Variants in TIPARP observed in about 807,000 individuals in gnomAD.
The protein encoded by TIPARP is protein mono-ADP-ribosyltransferase TIPARP.
In TIPARP, 12 loss-of-function variants were observed where a neutral mutation model predicts 56.5. The observed-to-expected ratio is 0.21, with a 90% CI of 0.14 to 0.34. The LOEUF (loss-of-function observed/expected upper bound fraction) is 0.34, where lower values mean the gene tolerates loss of function less well. Among genes scored for constraint, TIPARP ranks in the 10% least tolerant of loss-of-function variants. The pLI is 1.00. For synonymous variants in TIPARP, 296 were observed against 265.7 expected, an observed-to-expected ratio of 1.11 and a Z score of -1.11; for missense variants, 604 against 781.6, an observed-to-expected ratio of 0.77 and a Z score of 2.71.
chr3:156,682,104 A>G (rs1722322998), intron 2 of TIPARP, among the ~76,000 whole-genome samples: 1 of 152,192 alleles, frequency 6.6e-6, no homozygotes, highest in Non-Finnish European at 1.5e-5. Flanking sequence ...CAAGATCACC[A>G]CTAGTTTCAT....
At chr3:156,694,672 A>G (rs1465463825) in intron 3 of TIPARP, among the ~76,000 whole-genome samples, 3 of 152,186 alleles carry the variant, frequency 2.0e-5, no homozygotes, top group Non-Finnish European at 2.9e-5. Flanking sequence ...GTTATTTACA[A>G]TTTTCTCCTA....
At chr3:156,692,827 TGCTA>T (rs1476829868) in intron 2 of TIPARP, among the ~76,000 whole-genome samples, 2 of 152,182 alleles carry the variant, frequency 1.3e-5, no homozygotes, top group East Asian at 3.8e-4. Flanking sequence ...TTGGAAAATG[TGCTA>T]GCTAGCAAAA....
intron 2 of TIPARP, among the ~76,000 whole-genome samples, chr3:156,692,351 T>C (rs2108493381): frequency 6.6e-6 from 1 of 152,278 alleles, no homozygotes; most frequent in South Asian, 2.1e-4. Context: ...TTTTTGTTTT[T>C]TTGTTTTGTC....
In TIPARP at chr3:156,705,672, G is replaced by A. The variant is rs1199058932; in HGVS notation, c.*541G>A. ...TTATTTCTATCAGCAGTACTAAAAT[G>A]TATCAGCCAACCAGAGAACATCAGT... On this transcript the variant is annotated 3_prime_UTR_variant, in exon 6 of 6. Transcript: ENST00000295924. The A allele has an allele frequency of 6.5e-6, 1 of 152,714 alleles. No homozygotes were observed. Among genetic ancestry groups the A allele is most frequent in the Admixed American group, 6.5e-5 (1 of 15,298 alleles). 9.5% of individuals were successfully genotyped at this position (152,714 alleles called of 1,614,324 possible). A position where few individuals can be genotyped will look rare whatever the true frequency, so the allele number is the denominator to read the frequency against.
chr3:156,695,147 C>T (rs1341806827), intron 3 of TIPARP, among the ~76,000 whole-genome samples: 1 of 152,014 alleles, frequency 6.6e-6, no homozygotes, highest in East Asian at 1.9e-4. Flanking sequence ...TGTTTTTCCT[C>T]TGAGAAGTTT....
chr3:156,703,609 A>T lies in TIPARP; in HGVS notation c.1433A>T (p.Tyr478Phe). The T allele has an allele frequency of 6.2e-7, 1 of 1,614,256 alleles. No individual in the cohort carries two copies. The highest frequency in any genetic ancestry group is 8.5e-7 in the Non-Finnish European group (1 of 1,180,052). ...SAEDKSYRII[Y>F]NLFHKTVPEF... ...GAGGATAAAAGTTATCGGATCATTT[A>T]CAATCTTTTTCATAAGACTGTGCCT... Residue 478 changes from tyrosine to phenylalanine, a missense_variant, in exon 5 of 6, where the codon TAC (tyrosine) becomes TTC (phenylalanine). Around this residue, in one of 4 missense-constraint regions of TIPARP, gnomAD observed 252 missense variants for 303.9 expected, o/e 0.83. Transcript: ENST00000295924.
chr3:156,684,630 C>G (rs1009311385), intron 2 of TIPARP, among the ~76,000 whole-genome samples: 6 of 152,126 alleles, frequency 3.9e-5, no homozygotes, highest in African/African-American at 1.4e-4. Flanking sequence ...CAGGGTTTCT[C>G]TATGTTGGTC....
intron 4 of TIPARP, among the ~76,000 whole-genome samples, chr3:156,701,974 C>T (rs1722853721): frequency 7.5e-6 from 1 of 132,852 alleles, no homozygotes; most frequent in South Asian, 2.5e-4. Context: ...ATTGTTTTAG[C>T]TTCTTGAAAG....
At chr3:156,682,232 T>C (rs573039221) in intron 2 of TIPARP, among the ~76,000 whole-genome samples, 2 of 152,310 alleles carry the variant, frequency 1.3e-5, no homozygotes, top group African/African-American at 4.8e-5. Context: ...TGACCAATGA[T>C]TATTTCTAAT....
At chr3:156,703,726 C>G in intron 5 of TIPARP, 24 bp downstream of exon 5, 4 of 1,591,724 alleles carry the variant, frequency 2.5e-6, no homozygotes, top group Non-Finnish European at 3.4e-6. Flanking sequence ...ATGAAAAGTT[C>G]AAGACGGCCG....
chr3:156,690,467 G>T (rs1722541953), intron 2 of TIPARP, among the ~76,000 whole-genome samples: 1 of 152,124 alleles, frequency 6.6e-6, no homozygotes. Context: ...AATAAGAGGA[G>T]AACCATTGTT....
rs189162685 is a variant in TIPARP, at chr3:156,675,376, G to A, written c.-42+580G>A. On this transcript the variant is annotated intron_variant, in intron 1 of 5. Coordinates refer to ENST00000295924, the MANE Select transcript of TIPARP (RefSeq NM_015508.5). Reference sequence around the variant, plus strand: ...GTTCTGCGAGCCCCCAAGACCCGTTGGACGCTCCTCGGGAGGTGAGCTGAG... The same window carrying A: ...GTTCTGCGAGCCCCCAAGACCCGTTAGACGCTCCTCGGGAGGTGAGCTGAG... 4 of 152,450 alleles carry A rather than the reference G, an allele frequency of 2.6e-5. No homozygotes were observed. The East Asian group carries it at 7.7e-4, about 29-fold the overall frequency. 9.4% of individuals were successfully genotyped at this position (152,450 alleles called of 1,614,324 possible).
intron 2 of TIPARP, among the ~76,000 whole-genome samples, chr3:156,690,961 T>G (rs1239641249): frequency 6.6e-6 from 1 of 152,190 alleles, no homozygotes; most frequent in Non-Finnish European, 1.5e-5. Flanking sequence ...TGTAAATTCC[T>G]AACCTTATAT....
chr3:156,703,965 A>G (rs1025975942), intron 5 of TIPARP, among the ~76,000 whole-genome samples: 11 of 141,708 alleles, frequency 7.8e-5, no homozygotes, highest in African/African-American at 2.9e-4. Flanking sequence ...GTGAGCCGAG[A>G]TTGCGCCACT....
intron 4 of TIPARP, among the ~76,000 whole-genome samples, chr3:156,702,258 C>T (rs1722868426): frequency 6.6e-6 from 1 of 152,150 alleles, no homozygotes; most frequent in South Asian, 2.1e-4. Context: ...CAAATTCTGT[C>T]TTCGCTCTTT....
intron 2 of TIPARP, among the ~76,000 whole-genome samples, chr3:156,688,952 T>C (rs979715599): frequency 1.3e-5 from 2 of 152,134 alleles, no homozygotes; most frequent in African/African-American, 4.8e-5. Flanking sequence ...AATAATAAAA[T>C]AAAAGGACAC....
chr3:156,680,159 C>T (rs1299184273), intron 2 of TIPARP, among the ~76,000 whole-genome samples: 1 of 151,806 alleles, frequency 6.6e-6, no homozygotes, highest in Non-Finnish European at 1.5e-5. Flanking sequence ...CATAGAAGAC[C>T]CTATGAGATA....
chr3:156,703,789 A>G (rs964102627), intron 5 of TIPARP, 87 bp downstream of exon 5: 1 of 1,387,004 alleles, frequency 7.2e-7, no homozygotes, highest in African/African-American at 1.5e-5. Context: ...CGAGGCGGGC[A>G]GATTACGAGG....
intron 4 of TIPARP, among the ~76,000 whole-genome samples, chr3:156,698,911 A>C (rs769311647): frequency 2.0e-5 from 3 of 152,232 alleles, no homozygotes; most frequent in Non-Finnish European, 4.4e-5. Flanking sequence ...GGGGGTTAAC[A>C]TACCAACATT....
Sources: allele counts gnomAD v4.1 joint callset (sites outside exome capture counted in the v4.1 genomes callset), GRCh38; gene constraint gnomAD v4.1.1; regional missense constraint gnomAD v4.1.1; transcripts MANE v1.5; gene names NCBI Gene and HGNC (gene_info 2026-07-23, HGNC 2026-07-21).